MTUS1: variants seen among roughly 807,000 people sequenced by gnomAD.
MTUS1 encodes the protein microtubule-associated tumor suppressor 1.
MTUS1 carries 109 observed loss-of-function variants against 120.8 expected under a neutral mutation model. That is an observed-to-expected ratio of 0.90 (90% CI 0.77 to 1.06). MTUS1 has a LOEUF of 1.06. Among genes scored for constraint, MTUS1 ranks in the 50% least tolerant of loss-of-function variants. The pLI, the probability that MTUS1 is intolerant of heterozygous loss-of-function variation, is 0.00. For synonymous variants in MTUS1, 737 were observed against 550.5 expected (o/e 1.34, Z -4.74); for missense variants, 2,210 against 1,486.3 (o/e 1.49, Z -8.01).
chr8:17,798,588 T>A (rs1438064940), intron 1 of MTUS1, among the ~76,000 whole-genome samples: 1 of 152,204 alleles, frequency 6.6e-6, no homozygotes, highest in African/African-American at 2.4e-5. Flanking sequence ...CGCCTTGGCT[T>A]CCCAAAGTGC....
chr8:17,687,253 G>C (rs965033242), intron 6 of MTUS1, among the ~76,000 whole-genome samples: 1 of 152,164 alleles, frequency 6.6e-6, no homozygotes, highest in Admixed American at 6.5e-5. Context: ...TAAGGATGAA[G>C]TGTGACCGCA....
intron 1 of MTUS1, among the ~76,000 whole-genome samples, chr8:17,777,083 C>T (rs1253590648): frequency 1.3e-5 from 2 of 152,134 alleles, no homozygotes; most frequent in South Asian, 2.1e-4. Context: ...AATTAGCCCT[C>T]GTGCAGACAC....
At chr8:17,695,311 A>G (rs1037631852) in intron 6 of MTUS1, among the ~76,000 whole-genome samples, 4 of 152,178 alleles carry the variant, frequency 2.6e-5, no homozygotes, top group Admixed American at 1.3e-4. Flanking sequence ...CAGCTGGAAA[A>G]TATGTACGCC....
chr8:17,717,555 A>G (rs1225794351), intron 4 of MTUS1, among the ~76,000 whole-genome samples: 1 of 152,232 alleles, frequency 6.6e-6, no homozygotes. Context: ...TCACTTATTC[A>G]TATTTTAAAA....
At chr8:17,792,503 A>G (rs2051877425) in intron 1 of MTUS1, among the ~76,000 whole-genome samples, 1 of 152,176 alleles carries the variant, frequency 6.6e-6, no homozygotes. Context: ...AACTGACCCT[A>G]CTCTTTTAAA....
rs574354959 is a variant in MTUS1 at position 17,676,285 on chromosome 8, T to C, written c.2839-1033A>G. The C allele has an allele frequency of 3.1e-4, 217 of 703,094 alleles. 1 individual carries two copies. Among genetic ancestry groups the C allele is most frequent in the African/African-American group, 2.9e-3 (164 of 57,400 alleles). The allele number at this position is 703,094 out of a possible 1,614,324, so 43.6% of individuals were successfully genotyped here. On this transcript the variant is annotated intron_variant, in intron 7 of 14. Transcript: ENST00000693296. Reference sequence around the variant, plus strand: ...AACAAATACTAATTACCCTTGTTGCTGCACATGGAGAATAGAGGCACAGTT... The same window carrying C: ...AACAAATACTAATTACCCTTGTTGCCGCACATGGAGAATAGAGGCACAGTT...
At position 17,727,500 on chromosome 8, in the gene MTUS1, G is replaced by T. The variant is rs960240510; in HGVS notation, c.2288-3667C>A. Among the ~76,000 whole-genome samples the T allele has an allele frequency of 7.2e-5, 11 of 152,306 alleles. No homozygotes were observed. The South Asian group carries it at 1.9e-3, about 26-fold the overall frequency. On this transcript the variant is annotated intron_variant, in intron 3 of 14. Coordinates refer to ENST00000693296, the MANE Select transcript of MTUS1 (RefSeq NM_001363059.2). Reference sequence around the variant, plus strand: ...ACAGCGGAATGGTGAAAACCGTACGGATGCAACAAAGACATATAACTATTT... The same window carrying T: ...ACAGCGGAATGGTGAAAACCGTACGTATGCAACAAAGACATATAACTATTT...
chr8:17,760,049 T>A (rs897576467), intron 1 of MTUS1, among the ~76,000 whole-genome samples: 1 of 139,068 alleles, frequency 7.2e-6, no homozygotes, highest in African/African-American at 2.6e-5. Context: ...CCTCTACGAT[T>A]TCTTTTCTTT....
chr8:17,645,061 A>C lies in MTUS1; in HGVS notation c.*865T>G, dbSNP rs1805519006. ...TCCCTTTTTCTTTCTTTACACAGTTAGTTAGTTAGTTTGTTTTTTTATAGA... is the reference window on the plus strand; with the variant it reads ...TCCCTTTTTCTTTCTTTACACAGTTCGTTAGTTAGTTTGTTTTTTTATAGA... On this transcript the variant is annotated 3_prime_UTR_variant, in exon 15 of 15. Coordinates refer to ENST00000693296, the MANE Select transcript of MTUS1 (RefSeq NM_001363059.2). The C allele has an allele frequency of 3.4e-4, 1 of 2,920 alleles. No individual in the cohort carries two copies. The highest frequency in any genetic ancestry group is 1.6e-3 in the Non-Finnish European group (1 of 610). 0.2% of individuals were successfully genotyped at this position (2,920 alleles called of 1,614,324 possible).
intron 1 of MTUS1, among the ~76,000 whole-genome samples, chr8:17,800,342 T>C (rs929975677): frequency 1.3e-5 from 2 of 152,134 alleles, no homozygotes; most frequent in Non-Finnish European, 2.9e-5. Context: ...AAGACTTTGG[T>C]TTCATTGAAA....
chr8:17,665,279 AAGTCTTCC>A (rs1810652961), intron 8 of MTUS1, among the ~76,000 whole-genome samples: 1 of 152,174 alleles, frequency 6.6e-6, no homozygotes, highest in South Asian at 2.1e-4. Context: ...GCTCATTTCA[AAGTCTTCC>A]ATAAATCATA....
At chr8:17,649,311 C>A (rs1380649845) in intron 13 of MTUS1, among the ~76,000 whole-genome samples, 1 of 152,196 alleles carries the variant, frequency 6.6e-6, no homozygotes, top group Non-Finnish European at 1.5e-5. Flanking sequence ...CCCATCTCAA[C>A]CTCCCTAAAC....
rs192293181 is a variant in MTUS1, at chr8:17,658,876, T to C, written c.2906-2811A>G. On this transcript the variant is annotated intron_variant, in intron 8 of 14. Coordinates refer to ENST00000693296, the MANE Select transcript of MTUS1 (RefSeq NM_001363059.2). ...TCTTTCAGAGGAAAAGGAGGCCACA[T>C]TGAAATAATGGCAGGAATAGTGTCT... 7.4e-3 allele frequency among the ~76,000 whole-genome samples: 1,130 copies of C among 152,126 alleles called. 7 individuals are homozygous for C. The highest frequency in any genetic ancestry group is 0.012 in the Non-Finnish European group (811 of 68,008).
chr8:17,685,666 A>G (rs1198205314), intron 6 of MTUS1, among the ~76,000 whole-genome samples: 1 of 148,460 alleles, frequency 6.7e-6, no homozygotes, highest in East Asian at 2.0e-4. Context: ...AAATGGCTAA[A>G]TATATTGAAT....
chr8:17,648,333 C>T (rs1806264912), intron 13 of MTUS1, among the ~76,000 whole-genome samples: 1 of 152,148 alleles, frequency 6.6e-6, no homozygotes, highest in African/African-American at 2.4e-5. Flanking sequence ...TATCAGGATA[C>T]CTCTGGGGCA....
chr8:17,741,243 G>A (rs537093372), intron 3 of MTUS1, among the ~76,000 whole-genome samples: 2 of 151,972 alleles, frequency 1.3e-5, no homozygotes, highest in Admixed American at 1.3e-4. Context: ...TTATGACCCC[G>A]TTTAACCTTC....
intron 1 of MTUS1, 131 bp from the exon 2 acceptor site, chr8:17,756,092 G>C (rs758924496): frequency 5.5e-6 from 2 of 366,640 alleles, no homozygotes; most frequent in Non-Finnish European, 9.3e-6. Flanking sequence ...TACTGATGTG[G>C]GTAACTGAGA....
At chr8:17,670,298 T>A (rs2130579215) in intron 8 of MTUS1, among the ~76,000 whole-genome samples, 1 of 152,260 alleles carries the variant, frequency 6.6e-6, no homozygotes, top group South Asian at 2.1e-4. Context: ...AGGAGAGAAC[T>A]AGAAAAATAA....
At chr8:17,703,016 G>C (rs1819410327) in intron 6 of MTUS1, among the ~76,000 whole-genome samples, 1 of 152,184 alleles carries the variant, frequency 6.6e-6, no homozygotes, top group South Asian at 2.1e-4. Flanking sequence ...TCAGGACCCT[G>C]TGATGATTGC....
Sources: gnomAD v4.1 joint callset for allele counts (sites outside exome capture counted in the v4.1 genomes callset) on GRCh38, gnomAD v4.1.1 for gene constraint, MANE v1.5 for transcripts, NCBI Gene and HGNC (gene_info 2026-07-23, HGNC 2026-07-21) for gene names.